Variants in FAM227B observed in about 807,000 individuals in gnomAD.
FAM227B encodes family with sequence similarity 227 member B.
A neutral mutation model predicts 73.8 loss-of-function variants in FAM227B; 88 were observed. The ratio of observed to expected loss-of-function variants is 1.19; its 90% CI spans 1.00 to 1.42. The LOEUF (loss-of-function observed/expected upper bound fraction) is 1.42, where lower values mean the gene tolerates loss of function less well. Ranked by LOEUF, FAM227B falls within the 40% of genes most tolerant of loss-of-function variation. The pLI is 0.00. For synonymous variants in FAM227B, 210 were observed against 190.5 expected (o/e 1.10, Z -0.84); for missense variants, 632 against 590.9 (o/e 1.07, Z -0.72).
chr15:49,528,852 A>T (rs748504110), intron 10 of FAM227B, among the ~76,000 whole-genome samples: 1 of 151,682 alleles, frequency 6.6e-6, no homozygotes, highest in Non-Finnish European at 1.5e-5. Context: ...TGTGGAGAAA[A>T]GGTAACTTAC....
chr15:49,493,900 GTA>G (rs1555506649), intron 11 of FAM227B, among the ~76,000 whole-genome samples: 2 of 151,622 alleles, frequency 1.3e-5, no homozygotes, highest in Non-Finnish European at 2.9e-5. Flanking sequence ...GTGTGTGTGT[GTA>G]TGTATGTGTG....
Position 49,367,519 on chromosome 15 carries a change from C to T in FAM227B, c.1200G>A (p.Met400Ile). The T allele has an allele frequency of 6.2e-7, 1 of 1,605,974 alleles. No homozygotes were observed. The highest frequency in any genetic ancestry group is 8.5e-7 in the Non-Finnish European group (1 of 1,178,014). Residue 400 changes from methionine to isoleucine, a missense_variant, in exon 13 of 16, where the codon ATG becomes ATA. By Grantham distance (10) the Met-to-Ile change is conservative. Transcript: ENST00000299338. ...CTTTGGAAATACCAGCCAGCTCATG[C>T]ATCTTAAGATAATATAAAATCAATG... ...QSPLILYYLKMHELAGISKAP... is the reference protein window; with the variant it reads ...QSPLILYYLKIHELAGISKAP...
At chr15:49,528,074 G>C (rs1016956441) in intron 10 of FAM227B, among the ~76,000 whole-genome samples, 3 of 151,766 alleles carry the variant, frequency 2.0e-5, no homozygotes, top group Non-Finnish European at 2.9e-5. Context: ...AACAAAGTTG[G>C]AGGTATCACA....
intron 11 of FAM227B, among the ~76,000 whole-genome samples, chr15:49,506,656 C>T (rs556466869): frequency 6.6e-5 from 10 of 151,744 alleles, no homozygotes; most frequent in Admixed American, 5.9e-4. Context: ...CTAGAAAGGT[C>T]CCAAACATTT....
chr15:49,517,718 T>G (rs971269608), intron 10 of FAM227B, among the ~76,000 whole-genome samples: 4 of 152,166 alleles, frequency 2.6e-5, no homozygotes, highest in Non-Finnish European at 4.4e-5. Flanking sequence ...CATAAATGTA[T>G]AGCTCAATTA....
intron 11 of FAM227B, among the ~76,000 whole-genome samples, chr15:49,496,488 T>C (rs1312940921): frequency 3.3e-5 from 5 of 152,202 alleles, no homozygotes; most frequent in African/African-American, 1.2e-4. Context: ...TTGTAAATAA[T>C]CTAACAATAC....
chr15:49,497,349 C>G (rs1282951617), intron 11 of FAM227B, among the ~76,000 whole-genome samples: 2 of 152,142 alleles, frequency 1.3e-5, no homozygotes, highest in Non-Finnish European at 2.9e-5. Flanking sequence ...TGTGTCCAGA[C>G]TGGGGGTAAG....
At chr15:49,492,554 A>G (rs2057212677) in intron 11 of FAM227B, among the ~76,000 whole-genome samples, 1 of 151,832 alleles carries the variant, frequency 6.6e-6, no homozygotes, top group Admixed American at 6.6e-5. Context: ...TCCAACTTTT[A>G]TGATATTGCT....
intron 11 of FAM227B, among the ~76,000 whole-genome samples, chr15:49,473,706 G>T (rs74012389): frequency 0.017 from 2,615 of 152,136 alleles, 92 homozygotes; most frequent in African/African-American, 0.06. Context: ...CAAAGAAATT[G>T]TAAAAATAAG....
At chr15:49,529,800 A>T (rs2060477678) in intron 10 of FAM227B, among the ~76,000 whole-genome samples, 1 of 151,660 alleles carries the variant, frequency 6.6e-6, no homozygotes, top group African/African-American at 2.4e-5. Flanking sequence ...GCTAGCACTA[A>T]TCTTTTCCCA....
chr15:49,533,012 G>A (rs2060725502), intron 10 of FAM227B, among the ~76,000 whole-genome samples: 1 of 151,722 alleles, frequency 6.6e-6, no homozygotes, highest in Non-Finnish European at 1.5e-5. Context: ...GCACATTTTT[G>A]TGTGTCCCCC....
rs1342356330 is a variant in FAM227B, at chr15:49,546,586, G to A, written c.748-4780C>T. On this transcript the variant is annotated intron_variant, in intron 9 of 15. Coordinates refer to ENST00000299338, the MANE Select transcript of FAM227B (RefSeq NM_152647.3). ...TTACAGTCCCACCAACAGTGTAAAA[G>A]TGTTCCTATTTCTCCACATCTTCTC... Among the ~76,000 whole-genome samples, 3 of 152,282 alleles carry A rather than the reference G, an allele frequency of 2.0e-5. No individual in the cohort carries two copies. The East Asian group carries it at 5.8e-4, about 29-fold the overall frequency.
chr15:49,432,323 T>C (rs1179622718), intron 11 of FAM227B, among the ~76,000 whole-genome samples: 1 of 151,680 alleles, frequency 6.6e-6, no homozygotes, highest in Non-Finnish European at 1.5e-5. Flanking sequence ...TAAGGCTGTT[T>C]CCTGTAGCAC....
At chr15:49,415,907 A>C (rs2049179705) in intron 11 of FAM227B, among the ~76,000 whole-genome samples, 1 of 152,286 alleles carries the variant, frequency 6.6e-6, no homozygotes, top group South Asian at 2.1e-4. Context: ...TTTATGCCAG[A>C]GTTTAAACTA....
At chr15:49,476,023 T>C (rs561262201) in intron 11 of FAM227B, among the ~76,000 whole-genome samples, 6 of 152,198 alleles carry the variant, frequency 3.9e-5, no homozygotes, top group African/African-American at 1.4e-4. Flanking sequence ...CTTCTGAACA[T>C]GACTTTTGAA....
intron 11 of FAM227B, among the ~76,000 whole-genome samples, chr15:49,440,096 CTT>C (rs1386086324): frequency 6.6e-6 from 1 of 151,764 alleles, no homozygotes; most frequent in Non-Finnish European, 1.5e-5. Context: ...GAAAAGATAA[CTT>C]TTCAAAATGA....
In FAM227B at chr15:49,367,506, C is replaced by A; in HGVS notation, c.1213G>T (p.Gly405Cys). ...LYYLKMHELA[G>C]ISKAPKKTKI... Reference sequence around the variant, plus strand: ...GTTTTCTTAGGTGCTTTGGAAATACCAGCCAGCTCATGCATCTTAAGATAA... The same window carrying A: ...GTTTTCTTAGGTGCTTTGGAAATACAAGCCAGCTCATGCATCTTAAGATAA... The change falls in exon 13 of 16, where the codon GGT (glycine) becomes TGT (cysteine). Residue 405 changes from glycine (G) to cysteine (C), a missense_variant. Physicochemically the swap from Gly to Cys is radical, Grantham distance 159 (BLOSUM62 -3). Transcript: ENST00000299338. The A allele has an allele frequency of 6.2e-7, 1 of 1,605,470 alleles. No homozygotes were observed. The highest frequency in any genetic ancestry group is 8.5e-7 in the Non-Finnish European group (1 of 1,178,018).
At chr15:49,553,428 A>G (rs1000206777) in intron 9 of FAM227B, among the ~76,000 whole-genome samples, 4 of 152,164 alleles carry the variant, frequency 2.6e-5, no homozygotes, top group African/African-American at 4.8e-5. Flanking sequence ...ATCACTCCCT[A>G]ACTACTGTAT....
chr15:49,391,529 T>C (rs940891609), intron 11 of FAM227B, among the ~76,000 whole-genome samples: 2 of 152,122 alleles, frequency 1.3e-5, no homozygotes, highest in African/African-American at 4.8e-5. Flanking sequence ...AGACTTCAGA[T>C]AAAGGGAATA....
Sources: gnomAD v4.1 joint callset for allele counts (sites outside exome capture counted in the v4.1 genomes callset) on GRCh38, gnomAD v4.1.1 for gene constraint, MANE v1.5 for transcripts, NCBI Gene and HGNC (gene_info 2026-07-23, HGNC 2026-07-21) for gene names.